Variants in TMEM132B observed in about 807,000 individuals in gnomAD.
The protein encoded by TMEM132B is transmembrane protein 132B.
A neutral mutation model predicts 90.8 loss-of-function variants in TMEM132B; 18 were observed. The observed-to-expected ratio is 0.20, with a 90% CI of 0.14 to 0.29. The LOEUF is 0.29. Ranked by LOEUF, TMEM132B falls within the 10% of genes least tolerant of loss-of-function variation. The pLI is 1.00. For missense variants in TMEM132B, 1,096 were observed against 1,326.8 expected (o/e 0.83, Z 2.70); for synonymous variants, 504 against 523.3 (o/e 0.96, Z 0.50).
chr12:125,494,578 G>A (rs1409584056), intron 3 of TMEM132B, among the ~76,000 whole-genome samples: 10 of 81,936 alleles, frequency 1.2e-4, no homozygotes, highest in Non-Finnish European at 1.4e-4. Context: ...AAATGGATGC[G>A]TCCCTCCTCC....
At chr12:125,214,856 C>T (rs191363838) in intron 1 of TMEM132B, among the ~76,000 whole-genome samples, 9 of 152,340 alleles carry the variant, frequency 5.9e-5, no homozygotes, top group Admixed American at 5.2e-4. Context: ...AGAGACCCGG[C>T]TGGAAATGAG....
chr12:125,592,757 A>G (rs1253724516), intron 5 of TMEM132B, among the ~76,000 whole-genome samples: 1 of 152,140 alleles, frequency 6.6e-6, no homozygotes, highest in African/African-American at 2.4e-5. Flanking sequence ...TGGAATGTGG[A>G]TGTGTGCTGA....
chr12:125,259,844 A>G (rs1011951330), intron 1 of TMEM132B, among the ~76,000 whole-genome samples: 2 of 151,964 alleles, frequency 1.3e-5, no homozygotes, highest in Non-Finnish European at 2.9e-5. Flanking sequence ...AATCAAGGTT[A>G]AAAGAGAGGA....
intron 4 of TMEM132B, among the ~76,000 whole-genome samples, chr12:125,563,598 C>CAAACAAACAAACAAACA (rs774597550): frequency 1.3e-5 from 2 of 150,180 alleles, no homozygotes; most frequent in African/African-American, 4.9e-5. Flanking sequence ...AACAAACAAA[C>CAAACAAACAAACAAACA]AAAAAAAAAC....
intron 5 of TMEM132B, among the ~76,000 whole-genome samples, chr12:125,599,408 A>G (rs1250512105): frequency 6.6e-6 from 1 of 152,172 alleles, no homozygotes; most frequent in African/African-American, 2.4e-5. Context: ...GGATTAATAC[A>G]GGGAGGAAAA....
At chr12:125,268,918 T>A (rs1389195764) in intron 1 of TMEM132B, among the ~76,000 whole-genome samples, 1 of 152,234 alleles carries the variant, frequency 6.6e-6, no homozygotes, top group African/African-American at 2.4e-5. Context: ...GCACCGCATC[T>A]TATTACCCCA....
At chr12:125,443,709 T>C (rs1880934393) in intron 3 of TMEM132B, among the ~76,000 whole-genome samples, 1 of 152,204 alleles carries the variant, frequency 6.6e-6, no homozygotes, top group South Asian at 2.1e-4. Flanking sequence ...AGCAGATTTA[T>C]AGCTATGGTA....
chr12:125,444,813 G>C (rs1880959909), intron 3 of TMEM132B, among the ~76,000 whole-genome samples: 1 of 152,148 alleles, frequency 6.6e-6, no homozygotes, highest in Admixed American at 6.5e-5. Context: ...AGATAATCTG[G>C]TGGGCCTGAT....
rs140042789 is a variant in TMEM132B, at chr12:125,204,091, A to G, written c.67+17225A>G. Reference sequence around the variant, plus strand: ...GGCAGTAATCATTATCACTGCAGCCATCTTTCAATGAGGGCTCCCTGTGCC... The same window carrying G: ...GGCAGTAATCATTATCACTGCAGCCGTCTTTCAATGAGGGCTCCCTGTGCC... On this transcript the variant is annotated intron_variant, in intron 1 of 8. Transcript: ENST00000682704. Among the ~76,000 whole-genome samples the G allele has an allele frequency of 8.7e-4, 132 of 152,382 alleles. 1 individual carries two copies. Among genetic ancestry groups the G allele is most frequent in the African/African-American group, 2.9e-3 (122 of 41,594 alleles).
At chr12:125,206,602 G>A (rs145912531) in intron 1 of TMEM132B, among the ~76,000 whole-genome samples, 195 of 152,210 alleles carry the variant, frequency 1.3e-3, no homozygotes, top group Non-Finnish European at 2.1e-3. Context: ...CTTGGTGTGG[G>A]TGTTTAGTCT....
At chr12:125,224,014 T>C (rs1424037723) in intron 1 of TMEM132B, among the ~76,000 whole-genome samples, 1 of 152,342 alleles carries the variant, frequency 6.6e-6, no homozygotes, top group East Asian at 1.9e-4. Flanking sequence ...TGATCTCAGT[T>C]GATCCGCCTG....
At chr12:125,256,588 G>C (rs755970165) in intron 1 of TMEM132B, among the ~76,000 whole-genome samples, 24 of 152,246 alleles carry the variant, frequency 1.6e-4, no homozygotes, top group Admixed American at 3.9e-4. Flanking sequence ...GACCTGCAAA[G>C]CCTGAAATAT....
At chr12:125,515,225 TTC>T (rs961911290) in intron 3 of TMEM132B, among the ~76,000 whole-genome samples, 6 of 149,506 alleles carry the variant, frequency 4.0e-5, no homozygotes, top group Admixed American at 2.0e-4. Flanking sequence ...CGTTCACACA[TTC>T]TCTCACACAC....
chr12:125,434,158 C>T (rs893435625), intron 3 of TMEM132B, among the ~76,000 whole-genome samples: 5 of 152,192 alleles, frequency 3.3e-5, no homozygotes, highest in African/African-American at 1.2e-4. Context: ...AGGGGCTGCC[C>T]ACATTCCTTG....
At position 125,583,840 on chromosome 12, in the gene TMEM132B, C is replaced by T. The variant is rs752239950; in HGVS notation, c.1294-11C>T. On this transcript the variant is annotated splice_polypyrimidine_tract_variant and intron_variant, in intron 4 of 8. Transcript: ENST00000682704. The stretch of plus-strand genomic sequence containing the variant: ...CGTTTGCTGATCTGAGCCCTCTCCT[C>T]TCCTGTTTAGGACACCGAGGTTTTG... The T allele has an allele frequency of 6.2e-7, 1 of 1,613,846 alleles. No homozygotes were observed. Among genetic ancestry groups the T allele is most frequent in the South Asian group, 1.1e-5 (1 of 91,044 alleles).
Position 125,236,097 on chromosome 12 carries a change from C to T in TMEM132B, c.67+49231C>T, listed in dbSNP as rs142644198. 3.0e-3 allele frequency among the ~76,000 whole-genome samples: 448 copies of T among 151,270 alleles called. 2 individuals carry two copies. The highest frequency in any genetic ancestry group is 0.025 in the Middle Eastern group (7 of 280). The stretch of plus-strand genomic sequence containing the variant: ...GGATTACAGGCATGAGCCACTGTGC[C>T]GGACCAGCACTTCATTCCTTTTAAT... On this transcript the variant is annotated intron_variant, in intron 1 of 8. Coordinates refer to ENST00000682704, the MANE Select transcript of TMEM132B (RefSeq NM_001366854.1).
chr12:125,228,083 A>C (rs1284185477), intron 1 of TMEM132B, among the ~76,000 whole-genome samples: 1 of 152,182 alleles, frequency 6.6e-6, no homozygotes, highest in African/African-American at 2.4e-5. Flanking sequence ...ATTGTCTCAG[A>C]TCTGCTTCTG....
intron 2 of TMEM132B, among the ~76,000 whole-genome samples, chr12:125,355,355 A>G (rs145371137): frequency 8.9e-4 from 135 of 152,208 alleles, no homozygotes; most frequent in Admixed American, 1.5e-3. Flanking sequence ...TTTGGCCTGG[A>G]GGAGCTGGAG....
chr12:125,599,083 T>G (rs966801642), intron 5 of TMEM132B, among the ~76,000 whole-genome samples: 2 of 152,220 alleles, frequency 1.3e-5, no homozygotes, highest in South Asian at 2.1e-4. Context: ...AATCTCATCT[T>G]GAATTATAGC....
Sources: gnomAD v4.1 joint callset for allele counts (sites outside exome capture counted in the v4.1 genomes callset) on GRCh38, gnomAD v4.1.1 for gene constraint, MANE v1.5 for transcripts, NCBI Gene and HGNC (gene_info 2026-07-23, HGNC 2026-07-21) for gene names.